EIF4H: variants seen among roughly 807,000 people sequenced by gnomAD.
EIF4H encodes the protein eukaryotic translation initiation factor 4H.
EIF4H carries 8 observed loss-of-function variants against 30.6 expected under a neutral mutation model. The ratio of observed to expected loss-of-function variants is 0.26; its 90% CI spans 0.15 to 0.47. The LOEUF is 0.47. Ranked by LOEUF, EIF4H falls within the 20% of genes least tolerant of loss-of-function variation. EIF4H has a pLI of 0.99. For synonymous variants in EIF4H, 106 were observed against 122.7 expected, an observed-to-expected ratio of 0.86 and a Z score of 0.90; for missense variants, 188 against 339.5, an observed-to-expected ratio of 0.55 and a Z score of 3.51.
At chr7:74,179,622 A>C (rs1167168214) in intron 1 of EIF4H, among the ~76,000 whole-genome samples, 24 of 107,360 alleles carry the variant, frequency 2.2e-4, no homozygotes, top group South Asian at 3.4e-4. Context: ...ACAGGGTGAG[A>C]CTCTGTATCA....
chr7:74,193,343 G>T (rs1554710248), intron 5 of EIF4H, among the ~76,000 whole-genome samples: 1 of 152,226 alleles, frequency 6.6e-6, no homozygotes, highest in Non-Finnish European at 1.5e-5. Context: ...GCAGGTCCAG[G>T]ACTGACTGGA....
intron 1 of EIF4H, among the ~76,000 whole-genome samples, chr7:74,186,788 A>ATTTTTTT (rs564794579): frequency 1.1e-4 from 8 of 70,118 alleles, no homozygotes; most frequent in Non-Finnish European, 1.7e-4. Flanking sequence ...ACAAGGAGAA[A>ATTTTTTT]TTTTTTTTTT....
chr7:74,191,416 C>T (rs781811678), intron 5 of EIF4H: 1 of 393,422 alleles, frequency 2.5e-6, no homozygotes, highest in Non-Finnish European at 5.1e-6. Flanking sequence ...CTTAGCTTGG[C>T]CACTGGCGCT....
intron 2 of EIF4H, 105 bp from the exon 3 acceptor site, chr7:74,189,568 C>G: frequency 1.5e-6 from 2 of 1,311,890 alleles, no homozygotes; most frequent in South Asian, 2.8e-5. Flanking sequence ...ATCATCTAGA[C>G]AACAGAATGG....
chr7:74,188,664 G>A (rs1801142017), intron 2 of EIF4H, among the ~76,000 whole-genome samples: 1 of 152,210 alleles, frequency 6.6e-6, no homozygotes, highest in Admixed American at 6.5e-5. Context: ...GGAAGCATTA[G>A]GAACTAAACT....
chr7:74,178,564 A>G (rs1282168281), intron 1 of EIF4H, among the ~76,000 whole-genome samples: 1 of 152,028 alleles, frequency 6.6e-6, no homozygotes, highest in Non-Finnish European at 1.5e-5. Flanking sequence ...AAAAAGAAAA[A>G]TTAAGCTTAG....
At position 74,179,440 on chromosome 7, in the gene EIF4H, T is replaced by G. The variant is rs548769954; in HGVS notation, c.59+4998T>G. Among the ~76,000 whole-genome samples, 60 of 152,188 alleles carry G rather than the reference T, an allele frequency of 3.9e-4. 1 individual carries two copies. The highest frequency in any genetic ancestry group is 1.3e-3 in the African/African-American group (54 of 41,536). On this transcript the variant is annotated intron_variant, in intron 1 of 6. Coordinates refer to ENST00000265753, the MANE Select transcript of EIF4H (RefSeq NM_022170.2). ...TGAGGTCAGTAGTCTGAGACCAGCC[T>G]GGCTAACATGGCAAAGCCCCATCTC...
intron 1 of EIF4H, among the ~76,000 whole-genome samples, chr7:74,186,860 G>A (rs574253043): frequency 4.9e-5 from 6 of 122,688 alleles, no homozygotes; most frequent in African/African-American, 1.3e-4. Flanking sequence ...TCTCTGTCGC[G>A]TGAGCTGAAG....
At chr7:74,181,018 G>A (rs1016366232) in intron 1 of EIF4H, among the ~76,000 whole-genome samples, 80 of 152,286 alleles carry the variant, frequency 5.3e-4, no homozygotes, top group African/African-American at 1.9e-3. Flanking sequence ...TTGCAAGCAT[G>A]AGCCACCACG....
At chr7:74,189,628 A>C in intron 2 of EIF4H, 45 bp from the exon 3 acceptor site, 5 of 1,608,480 alleles carry the variant, frequency 3.1e-6, no homozygotes, top group Non-Finnish European at 4.2e-6. Context: ...CACATCTTTA[A>C]CCCAGAATTA....
Position 74,192,668 on chromosome 7 carries a change from C to CTTTTTTTTTTTTT in EIF4H, c.470-2061_470-2060insTTTTTTTTTTTTT, listed in dbSNP as rs1297031468. On this transcript the variant is annotated intron_variant, in intron 5 of 6. Transcript: ENST00000265753. Reference sequence around the variant, plus strand: ...TCATACCTAACATTGCTTTATGTGACTTTTTTTTTTTTCTTTTTTTTTTTT... The same window carrying CTTTTTTTTTTTTT: ...TCATACCTAACATTGCTTTATGTGACTTTTTTTTTTTTTTTTTTTTTTTTTCTTTTTTTTTTTT... 2.1e-5 allele frequency among the ~76,000 whole-genome samples: 2 copies of CTTTTTTTTTTTTT among 93,186 alleles called. 1 individual carries two copies. The allele number at this position is 93,186 out of a possible 152,430, so 61.1% of individuals were successfully genotyped here.
Position 74,195,221 on chromosome 7 carries a change from G to A in EIF4H, c.660G>A (p.Thr220=), listed in dbSNP as rs368213459. 2.1e-5 allele frequency: 34 copies of A among 1,613,820 alleles called. No individual in the cohort carries two copies. The highest frequency in any genetic ancestry group is 1.6e-4 in the Middle Eastern group (1 of 6,076). The change falls in exon 7 of 7, where the codon ACG becomes ACA. Residue 220 remains threonine (T), a synonymous_variant. Transcript: ENST00000265753. ...RLQLKPRTVA[T]PLNQVANPNS... ...AGCTTAAACCTCGAACAGTCGCGAC[G>A]CCCCTCAATCAAGTAGCCAATCCCA... is the stretch of plus-strand genomic sequence containing the variant.
intron 1 of EIF4H, among the ~76,000 whole-genome samples, chr7:74,179,521 ACTTGGGAGGCTGAAGCCATAG>A (rs1374509564): frequency 6.6e-6 from 1 of 151,498 alleles, no homozygotes; most frequent in Non-Finnish European, 1.5e-5. Flanking sequence ...AGTCCCAGCT[ACTTGGGAGGCTGAAGCCATAG>A]AATCACTTGA....
At chr7:74,189,602 A>C in intron 2 of EIF4H, 71 bp from the exon 3 acceptor site, 1 of 1,562,584 alleles carries the variant, frequency 6.4e-7, no homozygotes, top group Non-Finnish European at 8.7e-7. Context: ...GAGAAGTAGT[A>C]TGAATAGGAT....
chr7:74,191,567 G>A (rs1801213949), intron 5 of EIF4H, among the ~76,000 whole-genome samples: 1 of 152,052 alleles, frequency 6.6e-6, no homozygotes, highest in Non-Finnish European at 1.5e-5. Context: ...TACGTTATTT[G>A]CGAGAGTAGA....
intron 5 of EIF4H, among the ~76,000 whole-genome samples, chr7:74,191,774 A>C (rs1432999661): frequency 6.6e-6 from 1 of 152,024 alleles, no homozygotes; most frequent in African/African-American, 2.4e-5. Context: ...ACCCACCAAC[A>C]GATTTTTTGT....
intron 4 of EIF4H, 154 bp downstream of exon 4, chr7:74,190,072 G>T (rs1459696784): frequency 8.9e-7 from 1 of 1,129,522 alleles, no homozygotes; most frequent in African/African-American, 1.6e-5. Context: ...AGAAAGAATG[G>T]CTGATGCTTC....
intron 5 of EIF4H, among the ~76,000 whole-genome samples, chr7:74,193,349 C>G (rs1272334909): frequency 6.6e-6 from 1 of 152,204 alleles, no homozygotes; most frequent in Non-Finnish European, 1.5e-5. Context: ...CCAGGACTGA[C>G]TGGAGAAATG....
chr7:74,175,777 ATTC>A (rs1554707583), intron 1 of EIF4H, among the ~76,000 whole-genome samples: 1 of 151,722 alleles, frequency 6.6e-6, no homozygotes, highest in African/African-American at 2.4e-5. Context: ...ACCCAGAAAA[ATTC>A]TTCTTAAACA....
Sources: gnomAD v4.1 joint callset for allele counts (sites outside exome capture counted in the v4.1 genomes callset) on GRCh38, gnomAD v4.1.1 for gene constraint, MANE v1.5 for transcripts, NCBI Gene and HGNC (gene_info 2026-07-23, HGNC 2026-07-21) for gene names.